Variants in INPP4B observed in about 807,000 individuals in gnomAD.
The protein encoded by INPP4B is inositol polyphosphate-4-phosphatase type II B.
A neutral mutation model predicts 122.5 loss-of-function variants in INPP4B; 55 were observed. The observed-to-expected ratio is 0.45, with a 90% CI of 0.36 to 0.56. The LOEUF (loss-of-function observed/expected upper bound fraction) is 0.56, where lower values mean the gene tolerates loss of function less well. Among genes scored for constraint, INPP4B ranks in the 20% least tolerant of loss-of-function variants. The pLI, the probability that INPP4B is intolerant of heterozygous loss-of-function variation, is 0.00. For synonymous variants in INPP4B, 403 were observed against 388.7 expected, an observed-to-expected ratio of 1.04 and a Z score of -0.43; for missense variants, 1,000 against 1,097.7, an observed-to-expected ratio of 0.91 and a Z score of 1.26.
rs1445320853 is a variant in INPP4B at position 142,428,332 on chromosome 4, C to T, written c.136+841G>A. ...TTGATACTATAATACTATATGTGGTCTCTGTATACGAAATTGAATATGTGC... is the reference window on the plus strand; with the variant it reads ...TTGATACTATAATACTATATGTGGTTTCTGTATACGAAATTGAATATGTGC... On this transcript the variant is annotated intron_variant, in intron 5 of 25. Coordinates refer to ENST00000262992, the MANE Select transcript of INPP4B (RefSeq NM_001101669.3). Among the ~76,000 whole-genome samples, 4 of 150,438 alleles carry T rather than the reference C, an allele frequency of 2.7e-5. No homozygotes were observed. In the East Asian group the frequency reaches 7.8e-4, roughly 29 times the overall value.
intron 14 of INPP4B, among the ~76,000 whole-genome samples, chr4:142,201,252 G>A (rs1320273994): frequency 1.3e-5 from 2 of 152,030 alleles, no homozygotes; most frequent in Non-Finnish European, 2.9e-5. Context: ...CCAGCTATGG[G>A]TATGTTAGGT....
intron 9 of INPP4B, among the ~76,000 whole-genome samples, chr4:142,274,616 A>T (rs771657012): frequency 6.6e-6 from 1 of 151,914 alleles, no homozygotes; most frequent in Non-Finnish European, 1.5e-5. Flanking sequence ...TATATATGTC[A>T]TACAGATGTA....
At chr4:142,137,647 GCTAATATC>G (rs1805287082) in intron 18 of INPP4B, among the ~76,000 whole-genome samples, 1 of 129,110 alleles carries the variant, frequency 7.7e-6, no homozygotes, top group Admixed American at 8.5e-5. Flanking sequence ...CTGACAAAGG[GCTAATATC>G]CAGAATCTAC....
intron 7 of INPP4B, among the ~76,000 whole-genome samples, chr4:142,394,797 G>T (rs1054113807): frequency 3.9e-5 from 6 of 152,068 alleles, no homozygotes; most frequent in African/African-American, 1.2e-4. Flanking sequence ...CCTTTTATGT[G>T]TAGAAGCCTT....
chr4:142,424,316 A>C (rs1383156581), intron 5 of INPP4B, among the ~76,000 whole-genome samples: 1 of 152,052 alleles, frequency 6.6e-6, no homozygotes, highest in East Asian at 1.9e-4. Context: ...TAAAGGCAAG[A>C]AGTAGAATTT....
intron 16 of INPP4B, among the ~76,000 whole-genome samples, chr4:142,165,115 C>G (rs768733255): frequency 2.6e-5 from 4 of 151,722 alleles, no homozygotes; most frequent in Non-Finnish European, 4.4e-5. Context: ...TGAACCAGCT[C>G]TATCAACTGT....
chr4:142,694,189 A>G (rs914485615), intron 2 of INPP4B, among the ~76,000 whole-genome samples: 6 of 152,054 alleles, frequency 3.9e-5, no homozygotes, highest in African/African-American at 1.4e-4. Flanking sequence ...CCTGGCCAAC[A>G]TGGTGAAACC....
intron 3 of INPP4B, among the ~76,000 whole-genome samples, chr4:142,462,378 A>G (rs11947710): frequency 0.053 from 8,128 of 152,280 alleles, 257 homozygotes; most frequent in East Asian, 0.13. Context: ...CAAATAAAGC[A>G]TATGCATTAA....
intron 3 of INPP4B, among the ~76,000 whole-genome samples, chr4:142,441,196 G>A (rs1196562680): frequency 6.6e-6 from 1 of 152,158 alleles, no homozygotes; most frequent in Non-Finnish European, 1.5e-5. Flanking sequence ...ACTGAAAGGT[G>A]GTAGCTTGAT....
chr4:142,517,122 T>G (rs1442997142), intron 2 of INPP4B, among the ~76,000 whole-genome samples: 3 of 151,976 alleles, frequency 2.0e-5, no homozygotes, highest in Admixed American at 1.3e-4. Flanking sequence ...TTCCACCCTC[T>G]GCATACCAGG....
chr4:142,606,072 G>C (rs1259525382), intron 2 of INPP4B, among the ~76,000 whole-genome samples: 9 of 151,884 alleles, frequency 5.9e-5, no homozygotes, highest in African/African-American at 2.2e-4. Context: ...AATTAAAAGA[G>C]GATGAAATCA....
At chr4:142,080,423 C>A (rs1773310951) in intron 25 of INPP4B, among the ~76,000 whole-genome samples, 1 of 152,006 alleles carries the variant, frequency 6.6e-6, no homozygotes, top group Non-Finnish European at 1.5e-5. Flanking sequence ...CATATACAGA[C>A]AAAACCAAAA....
chr4:142,480,408 T>C (rs1239465952), intron 2 of INPP4B, among the ~76,000 whole-genome samples: 1 of 152,146 alleles, frequency 6.6e-6, no homozygotes, highest in Admixed American at 6.5e-5. Flanking sequence ...GACAGGTCAC[T>C]TAGTCACACT....
chr4:142,671,881 C>T (rs1232991916), intron 2 of INPP4B, among the ~76,000 whole-genome samples: 1 of 152,088 alleles, frequency 6.6e-6, no homozygotes, highest in African/African-American at 2.4e-5. Context: ...ACAATTCCAT[C>T]ACCCCAAAAT....
intron 2 of INPP4B, among the ~76,000 whole-genome samples, chr4:142,717,639 G>A (rs1763954600): frequency 6.6e-6 from 1 of 151,968 alleles, no homozygotes; most frequent in Non-Finnish European, 1.5e-5. Context: ...CTATCACAAG[G>A]ACAGAAAACC....
chr4:142,075,302 T>A (rs1770001420), intron 25 of INPP4B, among the ~76,000 whole-genome samples: 1 of 151,860 alleles, frequency 6.6e-6, no homozygotes, highest in African/African-American at 2.4e-5. Flanking sequence ...TTACAGGATA[T>A]CCTAACTTGC....
chr4:142,293,241 T>C (rs1231842299), intron 9 of INPP4B, among the ~76,000 whole-genome samples: 1 of 152,014 alleles, frequency 6.6e-6, no homozygotes, highest in Non-Finnish European at 1.5e-5. Flanking sequence ...GGTTTCACCA[T>C]GTTGGCCAGG....
intron 25 of INPP4B, among the ~76,000 whole-genome samples, chr4:142,061,829 T>C (rs1264188486): frequency 7.7e-6 from 1 of 130,566 alleles, no homozygotes; most frequent in African/African-American, 2.8e-5. Flanking sequence ...ATGTCATATA[T>C]AAATGCATAT....
Position 142,057,114 on chromosome 4 carries a change from G to A in INPP4B, c.2642+24917C>T, listed in dbSNP as rs944413029. 2.5e-5 allele frequency among the ~76,000 whole-genome samples: 3 copies of A among 118,258 alleles called. No individual in the cohort carries two copies. In the Admixed American group the frequency reaches 3.0e-4, roughly 12 times the overall value. The allele number at this position is 118,258 out of a possible 152,430, so 77.6% of individuals were successfully genotyped here. A position where few individuals can be genotyped will look rare whatever the true frequency, so the allele number is the denominator to read the frequency against. ...AGCGTACACATATTCCAGAAAGATA[G>A]GCACCATGGAAGTAATTACATTGGG... On this transcript the variant is annotated intron_variant, in intron 25 of 25. Transcript: ENST00000262992.
Sources: allele counts gnomAD v4.1 joint callset (sites outside exome capture counted in the v4.1 genomes callset), GRCh38; gene constraint gnomAD v4.1.1; transcripts MANE v1.5; gene names NCBI Gene and HGNC (gene_info 2026-07-23, HGNC 2026-07-21).